TENM3: variants seen among roughly 807,000 people sequenced by gnomAD.
TENM3 encodes the protein teneurin transmembrane protein 3, also known as teneurin-3.
TENM3 carries 63 observed loss-of-function variants against 255.1 expected under a neutral mutation model. The ratio of observed to expected loss-of-function variants is 0.25; its 90% CI spans 0.20 to 0.30. TENM3 has a LOEUF of 0.30. Ranked by LOEUF, TENM3 falls within the 10% of genes least tolerant of loss-of-function variation. TENM3 has a pLI of 1.00. For synonymous variants in TENM3, 1,306 were observed against 1,322.3 expected, an observed-to-expected ratio of 0.99 and a Z score of 0.27; for missense variants, 2,929 against 3,461.1, an observed-to-expected ratio of 0.85 and a Z score of 3.86.
chr4:182,461,497 A>C (rs1387277272), intron 3 of TENM3, among the ~76,000 whole-genome samples: 1 of 152,230 alleles, frequency 6.6e-6, no homozygotes, highest in Non-Finnish European at 1.5e-5. Context: ...CAAAAGGTTT[A>C]AATGTACCTT....
At position 182,760,930 on chromosome 4, in the gene TENM3, A is replaced by G. The variant is rs533137355; in HGVS notation, c.4892+5671A>G. Among the ~76,000 whole-genome samples the G allele has an allele frequency of 1.1e-4, 17 of 152,328 alleles. 1 individual carries two copies. The highest frequency in any genetic ancestry group is 6.5e-4 in the Admixed American group (10 of 15,294). Reference sequence around the variant, plus strand: ...AAGCCTATTTCAAGTTCAAAACTGTATACCAAAAGCACAAATAATGCAGGA... The same window carrying G: ...AAGCCTATTTCAAGTTCAAAACTGTGTACCAAAAGCACAAATAATGCAGGA... On this transcript the variant is annotated intron_variant, in intron 22 of 27. Coordinates refer to ENST00000511685, the MANE Select transcript of TENM3 (RefSeq NM_001080477.4).
intron 16 of TENM3, among the ~76,000 whole-genome samples, chr4:182,735,405 T>A (rs1761086471): frequency 1.3e-5 from 2 of 152,162 alleles, no homozygotes; most frequent in Non-Finnish European, 2.9e-5. Context: ...ATATTGAAGC[T>A]GACAGCTCCA....
chr4:182,026,939 T>C, the TENM3 span, among the ~76,000 whole-genome samples: 30 of 152,310 alleles, frequency 2.0e-4, no homozygotes, highest in Middle Eastern at 0.01. Flanking sequence ...GCTTTTGCTC[T>C]TCTGGGTCTT....
intron 1 of TENM3, among the ~76,000 whole-genome samples, chr4:182,293,130 T>A (rs1391988787): frequency 6.6e-6 from 1 of 152,210 alleles, no homozygotes; most frequent in African/African-American, 2.4e-5. Flanking sequence ...AATCCCTACT[T>A]TTTAGCTGAA....
At chr4:182,293,988 TTGGGTCTTTCCTGCGCTCCC>T (rs1761295575) in intron 1 of TENM3, among the ~76,000 whole-genome samples, 1 of 151,924 alleles carries the variant, frequency 6.6e-6, no homozygotes, top group South Asian at 2.1e-4. Context: ...TTTTGGGAGG[TTGGGTCTTTCCTGCGCTCCC>T]TGCGTCCTAG....
intron 3 of TENM3, among the ~76,000 whole-genome samples, chr4:182,548,206 C>A (rs1741643998): frequency 6.6e-6 from 1 of 152,108 alleles, no homozygotes; most frequent in Admixed American, 6.6e-5. Context: ...GCCTGGGCAA[C>A]ACAGTGAGAC....
In TENM3 at chr4:182,719,241, CTTTTTTTTTTCT is replaced by C. The variant is rs1245618378; in HGVS notation, c.2368+5019_2368+5030del. Among the ~76,000 whole-genome samples, 255 of 83,262 alleles carry C rather than the reference CTTTTTTTTTTCT, an allele frequency of 3.1e-3. 2 individuals are homozygous for C. Among genetic ancestry groups the C allele is most frequent in the Non-Finnish European group, 5.1e-3 (204 of 40,322 alleles). 54.6% of individuals were successfully genotyped at this position (83,262 alleles called of 152,430 possible). A position where few individuals can be genotyped will look rare whatever the true frequency, so the allele number is the denominator to read the frequency against. On this transcript the variant is annotated intron_variant, in intron 13 of 27. Coordinates refer to ENST00000511685, the MANE Select transcript of TENM3 (RefSeq NM_001080477.4). ...TACATATTACCAGTAAAATAGAGTT[CTTTTTTTTTTCT>C]TTTTTTTTTTTTTTTTTTTTTTTTT...
At position 182,271,782 on chromosome 4, in the gene TENM3, T is replaced by A. The variant is rs556772988; in HGVS notation, c.-76+28306T>A. Among the ~76,000 whole-genome samples, 3 of 152,344 alleles carry A rather than the reference T, an allele frequency of 2.0e-5. 1 individual carries two copies. In the South Asian group the frequency reaches 6.2e-4, roughly 32 times the overall value. On this transcript the variant is annotated intron_variant, in intron 1 of 27. Coordinates refer to ENST00000511685, the MANE Select transcript of TENM3 (RefSeq NM_001080477.4). ...CTGTATTATAGAGGAGAAAACTGATTTGCCAAACCCCACAAAGAAAGTCAA... is the reference window on the plus strand; with the variant it reads ...CTGTATTATAGAGGAGAAAACTGATATGCCAAACCCCACAAAGAAAGTCAA...
intron 7 of TENM3, among the ~76,000 whole-genome samples, chr4:182,678,530 A>G (rs1755835549): frequency 6.6e-6 from 1 of 152,176 alleles, no homozygotes; most frequent in African/African-American, 2.4e-5. Context: ...CAGGGTCACA[A>G]GAGAGGTGGA....
chr4:181,919,312 G>T, the TENM3 span, among the ~76,000 whole-genome samples: 1 of 151,924 alleles, frequency 6.6e-6, no homozygotes, highest in Non-Finnish European at 1.5e-5. Context: ...GGAACAGAAA[G>T]AGCTGAGCTG....
intron 3 of TENM3, among the ~76,000 whole-genome samples, chr4:182,529,764 A>G (rs1181195072): frequency 6.6e-6 from 1 of 152,192 alleles, no homozygotes; most frequent in Non-Finnish European, 1.5e-5. Context: ...CCGTATATAA[A>G]TCCCAGTTAG....
At chr4:181,540,441 TG>T in the TENM3 span, among the ~76,000 whole-genome samples, 2 of 152,060 alleles carry the variant, frequency 1.3e-5, no homozygotes, top group Non-Finnish European at 2.9e-5. Flanking sequence ...AGTGCGGCTG[TG>T]AATAGTGACT....
At chr4:182,224,737 C>CT (rs112818920) in intron 1 of TENM3, among the ~76,000 whole-genome samples, 17,918 of 137,470 alleles carry the variant, frequency 0.13, 1,174 homozygotes, top group Non-Finnish European at 0.15. Flanking sequence ...AGTCAGATAT[C>CT]TTTTTTTTTT....
intron 14 of TENM3, 137 bp from the exon 15 acceptor site, chr4:182,730,063 C>T: frequency 1.0e-6 from 1 of 990,522 alleles, no homozygotes. Flanking sequence ...GGGAGTATTT[C>T]AGGTCTGATT....
At chr4:182,638,320 T>A (rs10028389) in intron 5 of TENM3, among the ~76,000 whole-genome samples, 1 of 152,176 alleles carries the variant, frequency 6.6e-6, no homozygotes, top group African/African-American at 2.4e-5. Flanking sequence ...GTACTCAATC[T>A]GTTTTGAAGA....
chr4:181,960,950 C>A, the TENM3 span, among the ~76,000 whole-genome samples: 2 of 152,138 alleles, frequency 1.3e-5, no homozygotes, highest in Non-Finnish European at 2.9e-5. Flanking sequence ...ACAGCCATTG[C>A]AGATTGCTAA....
chr4:181,711,011 G>C, the TENM3 span, among the ~76,000 whole-genome samples: 1 of 152,010 alleles, frequency 6.6e-6, no homozygotes, highest in Admixed American at 6.6e-5. Context: ...CTAAATTTAA[G>C]TAAATATAGT....
the TENM3 span, among the ~76,000 whole-genome samples, chr4:181,872,525 G>A: frequency 4.0e-5 from 6 of 151,820 alleles, no homozygotes; most frequent in Non-Finnish European, 7.4e-5. Flanking sequence ...TCTATGTGTC[G>A]ATGTGACAAA....
the TENM3 span, among the ~76,000 whole-genome samples, chr4:182,055,685 TG>T: frequency 6.6e-6 from 1 of 152,118 alleles, no homozygotes; most frequent in Admixed American, 6.5e-5. Context: ...TGGGCCATCT[TG>T]TAGGATTAAA....
Sources: gnomAD v4.1 joint callset for allele counts (sites outside exome capture counted in the v4.1 genomes callset) on GRCh38, gnomAD v4.1.1 for gene constraint, MANE v1.5 for transcripts, NCBI Gene and HGNC (gene_info 2026-07-23, HGNC 2026-07-21) for gene names.